NADK: variants seen among roughly 807,000 people sequenced by gnomAD.
The protein encoded by NADK is NAD kinase.
In NADK, 22 loss-of-function variants were observed where a neutral mutation model predicts 49.8. The ratio of observed to expected loss-of-function variants is 0.44; its 90% CI spans 0.32 to 0.63. The LOEUF is 0.63. Among genes scored for constraint, NADK ranks in the 30% least tolerant of loss-of-function variants. The probability of loss-of-function intolerance (pLI) is 0.06; values close to 1 mark genes in which losing one functional copy is unlikely to be tolerated. For missense variants in NADK, 438 were observed against 609.4 expected (o/e 0.72, Z 2.96); for synonymous variants, 268 against 253.7 (o/e 1.06, Z -0.54).
At chr1:1,759,062 C>G (rs929406991) in intron 3 of NADK, 4 of 1,490,558 alleles carry the variant, frequency 2.7e-6, no homozygotes, top group Non-Finnish European at 3.6e-6. Context: ...GCCCTGCACA[C>G]GGCTCCCCCT....
intron 11 of NADK, 42 bp downstream of exon 11, chr1:1,753,525 G>T: frequency 6.4e-7 from 1 of 1,562,112 alleles, no homozygotes; most frequent in Non-Finnish European, 8.8e-7. Context: ...GGCCCGGGGA[G>T]GAGGTTGGCA....
intron 6 of NADK, 114 bp from the exon 7 acceptor site, chr1:1,755,590 T>A (rs1645490752): frequency 2.6e-6 from 2 of 779,624 alleles, no homozygotes. Flanking sequence ...ACCCCGACCC[T>A]CTGCAGGAGG....
chr1:1,758,102 G>A (rs759015783), intron 3 of NADK, among the ~76,000 whole-genome samples: 12 of 152,190 alleles, frequency 7.9e-5, no homozygotes, highest in South Asian at 2.1e-4. Context: ...AGGGCGCAGC[G>A]GGGCTGGCCA....
chr1:1,761,280 C>T (rs559616914), intron 3 of NADK, among the ~76,000 whole-genome samples: 6 of 152,162 alleles, frequency 3.9e-5, no homozygotes, highest in South Asian at 4.2e-4. Flanking sequence ...TGTGAGCCAC[C>T]GCAGCTGACC....
In NADK at chr1:1,753,677, G is replaced by A. The variant is rs377374852; in HGVS notation, c.1102-28C>T. ...GAGGGTCAAGCAGGGAGAGGTGTGGGCCCCCAGCTGTGGGGAGGACGCTTC... is the reference window on the plus strand; with the variant it reads ...GAGGGTCAAGCAGGGAGAGGTGTGGACCCCCAGCTGTGGGGAGGACGCTTC... On this transcript the variant is annotated intron_variant, in intron 10 of 11. Transcript: ENST00000341426. The A allele has an allele frequency of 1.8e-3, 2,798 of 1,574,534 alleles. 2 individuals carry two copies. The highest frequency in any genetic ancestry group is 2.2e-3 in the Non-Finnish European group (2,524 of 1,153,350).
At chr1:1,768,258 C>T (rs982528204) in intron 1 of NADK, among the ~76,000 whole-genome samples, 9 of 151,634 alleles carry the variant, frequency 5.9e-5, no homozygotes, top group Middle Eastern at 3.3e-3. Flanking sequence ...AGACACCAGG[C>T]TAGGCACGGT....
chr1:1,753,969 G>A, intron 10 of NADK, 82 bp downstream of exon 10: 2 of 1,476,374 alleles, frequency 1.4e-6, no homozygotes, highest in Non-Finnish European at 9.1e-7. Flanking sequence ...CAGCATGGCA[G>A]AGCGGGGTGC....
At chr1:1,758,790 C>T (rs1305765731) in intron 3 of NADK, 1 of 463,560 alleles carries the variant, frequency 2.2e-6, no homozygotes, top group Admixed American at 6.4e-5. Context: ...CTGCTCCTAA[C>T]TGAGCCGGGT....
intron 1 of NADK, among the ~76,000 whole-genome samples, chr1:1,775,094 G>A (rs1395184565): frequency 6.6e-6 from 1 of 151,778 alleles, no homozygotes; most frequent in Non-Finnish European, 1.5e-5. Flanking sequence ...GGGGGACAGA[G>A]TGAGACTCCG....
At chr1:1,763,202 A>C (rs1325486544) in intron 2 of NADK, among the ~76,000 whole-genome samples, 1 of 152,238 alleles carries the variant, frequency 6.6e-6, no homozygotes, top group Admixed American at 6.5e-5. Flanking sequence ...TGGTAAGTAC[A>C]GGCCGGGTGC....
At chr1:1,759,220 C>A (rs559958495) in intron 3 of NADK, 126 of 1,575,428 alleles carry the variant, frequency 8.0e-5, no homozygotes, top group Middle Eastern at 1.7e-4. Flanking sequence ...CACAAACCAG[C>A]GCCTCGACCT....
chr1:1,765,356 G>T lies in NADK; in HGVS notation c.51C>A (p.Asp17Glu), dbSNP rs540868877. Residue 17 changes from aspartate to glutamate, a missense_variant, in exon 2 of 12, where the codon GAC becomes GAA. Coordinates refer to ENST00000341426, the MANE Select transcript of NADK (RefSeq NM_023018.5). ...KMTMNKELSP[D>E]AAAYCCSACH... ...AGGCCGAGCAGCAGTAAGCAGCCGC[G>T]TCTGGACTCAATTCCTTATTCATGG... is the stretch of plus-strand genomic sequence containing the variant. The T allele has an allele frequency of 5.4e-5, 87 of 1,612,552 alleles. No individual in the cohort carries two copies. The highest frequency in any genetic ancestry group is 7.2e-5 in the Non-Finnish European group (85 of 1,179,158).
chr1:1,761,244 G>A lies in NADK; in HGVS notation c.263+708C>T, dbSNP rs535658438. On this transcript the variant is annotated intron_variant, in intron 3 of 11. Coordinates refer to ENST00000341426, the MANE Select transcript of NADK (RefSeq NM_023018.5). The stretch of plus-strand genomic sequence containing the variant: ...CTGACCTCGTGATCCGCCCCCCTTG[G>A]CCTCCCAAAGTGCTGGGATTACAGG... 5.7e-4 allele frequency among the ~76,000 whole-genome samples: 87 copies of A among 152,242 alleles called. 2 individuals are homozygous for A. The South Asian group carries it at 0.018, about 32-fold the overall frequency.
rs768603667 is a variant in NADK at position 1,756,556 on chromosome 1, G to C, written c.446C>G (p.Ala149Gly). 1 of 1,614,088 alleles carries C rather than the reference G, an allele frequency of 6.2e-7. No individual in the cohort carries two copies. Among genetic ancestry groups the C allele is most frequent in the Non-Finnish European group, 8.5e-7 (1 of 1,180,042 alleles). Reference protein sequence around the residue: ...EKKVLEDPAIASDESFGAVKK... With the variant: ...EKKVLEDPAIGSDESFGAVKK... ...CACTGCCCCAAAGCTTTCATCGCTG[G>C]CGATGGCAGGGTCTTCTAGCACTTT... Residue 149 changes from alanine to glycine, a missense_variant, in exon 5 of 12, where the codon GCC (alanine) becomes GGC (glycine). Ala to Gly is a moderately conservative substitution (Grantham distance 60). Transcript: ENST00000341426.
rs1274564631 is a variant in NADK, at chr1:1,778,115, G to A, written c.-41+174C>T. Among the ~76,000 whole-genome samples, 1 of 152,186 alleles carries A rather than the reference G, an allele frequency of 6.6e-6. No individual in the cohort carries two copies. Among genetic ancestry groups the A allele is most frequent in the Non-Finnish European group, 1.5e-5 (1 of 68,008 alleles). On this transcript the variant is annotated intron_variant, in intron 1 of 11. Transcript: ENST00000341426. The surrounding 1 kb of genome is among the most constrained non-coding windows in gnomAD (Gnocchi z 4.9). ...GCCGAGCCTCGCCCTGGGCCGTGCTGGTGCCCCATTCGGGACGGAGCGGTG... is the reference window on the plus strand; with the variant it reads ...GCCGAGCCTCGCCCTGGGCCGTGCTAGTGCCCCATTCGGGACGGAGCGGTG...
At chr1:1,759,778 C>T (rs763593414) in intron 3 of NADK, 2 of 1,557,008 alleles carry the variant, frequency 1.3e-6, no homozygotes, top group African/African-American at 1.4e-5. Context: ...GCTCGGGGAC[C>T]ACTGAGTACG....
chr1:1,765,272 G>GC lies in NADK; in HGVS notation c.134dup (p.Ser46GlnfsTer107). ...CCAGGGCGGGCGAGGCAGACAGGCT[G>GC]CGAGACTTGGCCCGGCCCCGGATGG... On this transcript the variant is annotated frameshift_variant, in exon 2 of 12. Coordinates refer to ENST00000341426, the MANE Select transcript of NADK (RefSeq NM_023018.5). LOFTEE classifies it high-confidence loss of function. 6.2e-7 allele frequency: 1 copy of GC among 1,613,132 alleles called. No homozygotes were observed. Among genetic ancestry groups the GC allele is most frequent in the Non-Finnish European group, 8.5e-7 (1 of 1,179,564 alleles).
intron 1 of NADK, among the ~76,000 whole-genome samples, chr1:1,769,499 C>T (rs1231688418): frequency 2.6e-5 from 4 of 151,870 alleles, no homozygotes; most frequent in Non-Finnish European, 4.4e-5. Flanking sequence ...TGCAGCGAGC[C>T]GATATCGCGC....
At chr1:1,753,455 G>A in intron 11 of NADK, 112 bp downstream of exon 11, 3 of 834,092 alleles carry the variant, frequency 3.6e-6, no homozygotes, top group Non-Finnish European at 5.7e-6. Context: ...CTCAGGCCCT[G>A]TGGTGCCCTA....
Sources: allele counts gnomAD v4.1 joint callset (sites outside exome capture counted in the v4.1 genomes callset), GRCh38; gene constraint gnomAD v4.1.1; non-coding constraint Gnocchi (gnomAD v3.1); transcripts MANE v1.5; gene names NCBI Gene and HGNC (gene_info 2026-07-23, HGNC 2026-07-21).